VPS13B: variants seen among roughly 807,000 people sequenced by gnomAD.
The protein encoded by VPS13B is intermembrane lipid transfer protein VPS13B.
In VPS13B, 285 loss-of-function variants were observed where a neutral mutation model predicts 426.4. The observed-to-expected ratio is 0.67, with a 90% CI of 0.61 to 0.74. The LOEUF is 0.74. VPS13B is among the 30% of genes least tolerant of loss of function. The pLI is 0.00. For synonymous variants in VPS13B, 1,676 were observed against 1,676.4 expected (o/e 1.00, Z 0.01); for missense variants, 4,537 against 4,782.6 (o/e 0.95, Z 1.51).
chr8:99,076,828 T>C (rs1845152533), intron 3 of VPS13B, among the ~76,000 whole-genome samples: 4 of 152,154 alleles, frequency 2.6e-5, no homozygotes, highest in Admixed American at 2.6e-4. Context: ...GTCTATATCT[T>C]TTATCAGGGG....
chr8:99,425,369 G>A (rs1816636251), intron 21 of VPS13B, among the ~76,000 whole-genome samples: 1 of 152,136 alleles, frequency 6.6e-6, no homozygotes, highest in Non-Finnish European at 1.5e-5. Context: ...TATCCACCAT[G>A]ATCAAGTGGG....
At chr8:99,719,368 C>CT (rs1239526354) in intron 37 of VPS13B, among the ~76,000 whole-genome samples, 2 of 152,186 alleles carry the variant, frequency 1.3e-5, no homozygotes, top group East Asian at 3.8e-4. Context: ...TCACCTGTCT[C>CT]TATTTTTCAG....
intron 6 of VPS13B, among the ~76,000 whole-genome samples, chr8:99,111,721 G>T (rs1847380810): frequency 6.6e-6 from 1 of 151,970 alleles, no homozygotes; most frequent in Non-Finnish European, 1.5e-5. Context: ...ATAGTTTATT[G>T]GTTCAAGAAG....
intron 19 of VPS13B, among the ~76,000 whole-genome samples, chr8:99,330,737 G>C (rs533439746): frequency 1.3e-5 from 2 of 151,870 alleles, no homozygotes; most frequent in South Asian, 2.1e-4. Context: ...GAAGTTATTT[G>C]ATCTAGTCAT....
In VPS13B at chr8:99,243,651, A is replaced by G. The variant is rs542265304; in HGVS notation, c.2516-30547A>G. On this transcript the variant is annotated intron_variant, in intron 17 of 61. Coordinates refer to ENST00000357162, the MANE Select transcript of VPS13B (RefSeq NM_152564.5). The stretch of plus-strand genomic sequence containing the variant: ...ACCAAACCTCAAATTTTTACAGCTA[A>G]AAGAATCTTTTATTACTTATTTGAG... Among the ~76,000 whole-genome samples the G allele has an allele frequency of 3.3e-5, 5 of 152,332 alleles. No homozygotes were observed. In the East Asian group the frequency reaches 9.6e-4, roughly 29 times the overall value.
intron 20 of VPS13B, among the ~76,000 whole-genome samples, chr8:99,388,219 G>A (rs1814234433): frequency 6.6e-6 from 1 of 152,082 alleles, no homozygotes; most frequent in Admixed American, 6.6e-5. Flanking sequence ...TTAAGTTGAA[G>A]CATTTGTACT....
At chr8:99,043,397 T>C (rs1055834327) in intron 3 of VPS13B, among the ~76,000 whole-genome samples, 3 of 152,114 alleles carry the variant, frequency 2.0e-5, no homozygotes, top group African/African-American at 7.2e-5. Context: ...GAATTTGAGA[T>C]TAGGAGGCCT....
intron 2 of VPS13B, among the ~76,000 whole-genome samples, chr8:99,026,668 C>T (rs1347834300): frequency 6.6e-6 from 1 of 152,034 alleles, no homozygotes; most frequent in Non-Finnish European, 1.5e-5. Flanking sequence ...TAGATGCTTG[C>T]CAAATTGACT....
chr8:99,595,664 T>A (rs1364064070), intron 33 of VPS13B, among the ~76,000 whole-genome samples: 2 of 151,896 alleles, frequency 1.3e-5, no homozygotes, highest in Non-Finnish European at 2.9e-5. Flanking sequence ...TCAAAGGACA[T>A]CACCCAGAAA....
chr8:99,342,072 AT>A (rs1184897572), intron 19 of VPS13B, among the ~76,000 whole-genome samples: 25 of 152,338 alleles, frequency 1.6e-4, no homozygotes, highest in South Asian at 4.1e-4. Context: ...TGGTAAAACA[AT>A]TTTAGATTGT....
intron 16 of VPS13B, 72 bp from the exon 17 acceptor site, chr8:99,192,804 T>A: frequency 6.4e-7 from 1 of 1,552,318 alleles, no homozygotes; most frequent in Non-Finnish European, 8.8e-7. Flanking sequence ...CCTTGCAACC[T>A]AAGTCATTTA....
intron 15 of VPS13B, among the ~76,000 whole-genome samples, chr8:99,167,031 G>A (rs1812045170): frequency 6.6e-6 from 1 of 152,104 alleles, no homozygotes; most frequent in Non-Finnish European, 1.5e-5. Flanking sequence ...GTTAATAGAT[G>A]AGCTACATCA....
At chr8:99,215,581 G>A (rs969365143) in intron 17 of VPS13B, among the ~76,000 whole-genome samples, 2 of 152,168 alleles carry the variant, frequency 1.3e-5, no homozygotes, top group Non-Finnish European at 2.9e-5. Context: ...ACTCATGCAT[G>A]TGATTCCTTT....
chr8:99,058,235 A>G (rs1356729147), intron 3 of VPS13B, among the ~76,000 whole-genome samples: 1 of 152,082 alleles, frequency 6.6e-6, no homozygotes, highest in African/African-American at 2.4e-5. Context: ...GGCAGAAGCA[A>G]ATATGAGAAT....
intron 36 of VPS13B, among the ~76,000 whole-genome samples, chr8:99,714,421 C>T (rs1447459226): frequency 1.3e-5 from 2 of 152,160 alleles, no homozygotes; most frequent in Admixed American, 6.5e-5. Flanking sequence ...CATTATCACA[C>T]ACCACAATAA....
chr8:99,261,108 A>G (rs1241102512), intron 17 of VPS13B, among the ~76,000 whole-genome samples: 3 of 152,026 alleles, frequency 2.0e-5, no homozygotes, highest in African/African-American at 7.2e-5. Flanking sequence ...TGTTACCTTC[A>G]TGAACCTACA....
intron 3 of VPS13B, among the ~76,000 whole-genome samples, chr8:99,052,919 T>G (rs537725895): frequency 1.4e-4 from 22 of 152,244 alleles, no homozygotes; most frequent in African/African-American, 5.3e-4. Flanking sequence ...GATTCTTCTC[T>G]CTTTTCTTCT....
intron 17 of VPS13B, among the ~76,000 whole-genome samples, chr8:99,242,198 G>C (rs1225805736): frequency 6.6e-6 from 1 of 152,094 alleles, no homozygotes; most frequent in African/African-American, 2.4e-5. Flanking sequence ...GGCCAGGGTG[G>C]TCTCAAACTC....
chr8:99,202,925 T>A (rs932150830), intron 17 of VPS13B, among the ~76,000 whole-genome samples: 3 of 151,688 alleles, frequency 2.0e-5, no homozygotes, highest in Non-Finnish European at 4.4e-5. Flanking sequence ...TCCCAGTTAC[T>A]CTGGACGCTG....
Sources: allele counts gnomAD v4.1 joint callset (sites outside exome capture counted in the v4.1 genomes callset), GRCh38; gene constraint gnomAD v4.1.1; transcripts MANE v1.5; gene names NCBI Gene and HGNC (gene_info 2026-07-23, HGNC 2026-07-21).